Variants in DAPK2 observed in about 807,000 individuals in gnomAD.
DAPK2 encodes death-associated protein kinase 2.
A neutral mutation model predicts 44.1 loss-of-function variants in DAPK2; 35 were observed. That is an observed-to-expected ratio of 0.79 (90% CI 0.61 to 1.05). The LOEUF (loss-of-function observed/expected upper bound fraction) is 1.05, where lower values mean the gene tolerates loss of function less well. Among genes scored for constraint, DAPK2 ranks in the 50% least tolerant of loss-of-function variants. DAPK2 has a pLI of 0.00. For synonymous variants in DAPK2, 174 were observed against 182.6 expected, an observed-to-expected ratio of 0.95 and a Z score of 0.38; for missense variants, 453 against 483.2, an observed-to-expected ratio of 0.94 and a Z score of 0.59.
intron 2 of DAPK2, among the ~76,000 whole-genome samples, chr15:63,981,243 C>G (rs973358269): frequency 6.6e-6 from 1 of 152,132 alleles, no homozygotes; most frequent in Non-Finnish European, 1.5e-5. Context: ...TGCCCCCTCA[C>G]CGTGTGATGC....
chr15:63,929,165 C>T (rs1048636505), intron 6 of DAPK2, among the ~76,000 whole-genome samples: 1 of 149,612 alleles, frequency 6.7e-6, no homozygotes, highest in Non-Finnish European at 1.5e-5. Flanking sequence ...CGCCACTGCA[C>T]TCCAGACTGG....
intron 2 of DAPK2, 129 bp downstream of exon 3, chr15:63,983,404 G>A: frequency 1.3e-6 from 1 of 766,264 alleles, no homozygotes; most frequent in Admixed American, 2.4e-5. Flanking sequence ...GCCCACCACT[G>A]ACTTCACCTC....
intron 4 of DAPK2, chr15:63,935,757 G>A (rs964212947): frequency 1.3e-5 from 2 of 152,178 alleles, no homozygotes; most frequent in South Asian, 2.1e-4. Context: ...ATTCCAAAGA[G>A]ATCTATGATA....
intron 1 of DAPK2, among the ~76,000 whole-genome samples, chr15:64,010,056 G>A (rs2079347780): frequency 6.6e-6 from 1 of 152,222 alleles, no homozygotes; most frequent in African/African-American, 2.4e-5. Context: ...TGTAGCACCT[G>A]ATGGTATAAA....
At chr15:64,042,290 G>A (rs2080370182), upstream of DAPK2, among the ~76,000 whole-genome samples, 1 of 152,006 alleles carries the variant, frequency 6.6e-6, no homozygotes, top group Non-Finnish European at 1.5e-5. The surrounding 1 kb of genome is among the most constrained non-coding windows in gnomAD (Gnocchi z 4.7). Context: ...CAACATCCTG[G>A]CAAATCTCCC....
At chr15:64,002,916 CTGTGTGTGTGTGTGTGTGTG>C (rs3056849) in intron 1 of DAPK2, among the ~76,000 whole-genome samples, 13 of 86,108 alleles carry the variant, frequency 1.5e-4, no homozygotes, top group Admixed American at 6.2e-4. Context: ...GACTGAGACA[CTGTGTGTGTGTGTGTGTGTG>C]TGTGTGTGTG....
chr15:64,036,319 G>GTATATATATATATATATATA (rs57218056), intron 1 of DAPK2, among the ~76,000 whole-genome samples: 6 of 56,662 alleles, frequency 1.1e-4, no homozygotes, highest in Non-Finnish European at 2.0e-4. Flanking sequence ...GTATATATAT[G>GTATATATATATATATATATA]TATATATATA....
chr15:63,956,246 TG>T (rs1265574231), intron 3 of DAPK2, among the ~76,000 whole-genome samples: 1 of 152,200 alleles, frequency 6.6e-6, no homozygotes, highest in African/African-American at 2.4e-5. Context: ...CCAACTTTTT[TG>T]TTTCACTGAT....
chr15:63,922,540 C>T, intron 8 of DAPK2: 1 of 1,369,020 alleles, frequency 7.3e-7, no homozygotes, highest in Non-Finnish European at 9.4e-7. Context: ...TCCCAGAAAA[C>T]CAGATTGGTG....
intron 1 of DAPK2, among the ~76,000 whole-genome samples, chr15:64,025,661 T>C (rs1443951963): frequency 6.6e-6 from 1 of 152,214 alleles, no homozygotes; most frequent in East Asian, 1.9e-4. Flanking sequence ...ATTTGAGGTA[T>C]TGCAAGCCAA....
intron 3 of DAPK2, among the ~76,000 whole-genome samples, chr15:63,940,519 C>G (rs866465913): frequency 4.6e-5 from 7 of 151,766 alleles, no homozygotes; most frequent in Non-Finnish European, 8.8e-5. Context: ...GAGACCAGCC[C>G]GGCCAACATG....
chr15:64,020,862 G>T lies in DAPK2; in HGVS notation c.92+19308C>A, dbSNP rs552679240. 8.9e-4 allele frequency among the ~76,000 whole-genome samples: 136 copies of T among 152,344 alleles called. 1 individual carries two copies. The highest frequency in any genetic ancestry group is 3.1e-3 in the African/African-American group (128 of 41,582). On this transcript the variant is annotated intron_variant, in intron 1 of 10. Coordinates refer to ENST00000261891, the Ensembl canonical transcript of DAPK2. The surrounding 1 kb of genome is among the most constrained non-coding windows in gnomAD (Gnocchi z 4.5). ...TAATGGAAAGGGCAAAGGACCTGGA[G>T]TGCAAAGACCCACATTCAGGTCTCA... is the stretch of plus-strand genomic sequence containing the variant.
chr15:64,005,002 TTAAG>T (rs540872103), intron 1 of DAPK2, among the ~76,000 whole-genome samples: 3 of 152,116 alleles, frequency 2.0e-5, no homozygotes, highest in Non-Finnish European at 4.4e-5. Flanking sequence ...CTCCTAGCAC[TTAAG>T]TAAGGATGAA....
intron 1 of DAPK2, among the ~76,000 whole-genome samples, chr15:64,036,309 G>GTGTGTGTATA (rs1255068392): frequency 8.3e-5 from 5 of 60,518 alleles, no homozygotes; most frequent in Admixed American, 2.6e-4. Context: ...GTGTGTGTGT[G>GTGTGTGTATA]TATATATATG....
intron 4 of DAPK2, among the ~76,000 whole-genome samples, chr15:63,933,761 G>C (rs1009824205): frequency 6.6e-6 from 1 of 151,512 alleles, no homozygotes; most frequent in East Asian, 2.0e-4. Flanking sequence ...ACTATACCAG[G>C]TAATTTTTAA....
At position 63,908,654 on chromosome 15, in the gene DAPK2, G is replaced by T; in HGVS notation, c.1033-54C>A. The T allele has an allele frequency of 6.7e-7, 1 of 1,481,540 alleles. No homozygotes were observed. The highest frequency in any genetic ancestry group is 1.3e-5 in the South Asian group (1 of 78,386). 91.8% of individuals were successfully genotyped at this position (1,481,540 alleles called of 1,614,324 possible). A position where few individuals can be genotyped will look rare whatever the true frequency, so the allele number is the denominator to read the frequency against. On this transcript the variant is annotated intron_variant, in intron 10 of 10. Transcript: ENST00000261891. This position sits in a 1 kb window ranked among gnomAD's most constrained non-coding sequence, Gnocchi z 5.7. ...GGGCAGGAGGATCATGAGACGCCAG[G>T]AATGGGGCTGTGCTGGGCAACCTGG...
intron 2 of DAPK2, among the ~76,000 whole-genome samples, chr15:63,979,652 C>A (rs2078447987): frequency 6.6e-6 from 1 of 152,146 alleles, no homozygotes; most frequent in South Asian, 2.1e-4. Context: ...GTGGCTCATG[C>A]CTGTAATCCT....
chr15:63,929,480 G>A, intron 6 of DAPK2, 71 bp downstream of exon 7: 2 of 1,585,148 alleles, frequency 1.3e-6, no homozygotes, highest in Non-Finnish European at 1.7e-6. Flanking sequence ...CTATCAGCCT[G>A]CCCCTCTCTC....
At chr15:63,930,432 G>A (rs960715632) in exon 5 of DAPK2, 9 of 1,614,082 alleles carry the variant, frequency 5.6e-6, no homozygotes, top group South Asian at 2.2e-5. Context: ...AGACCCAGGG[G>A]CTCGTAGTTC....
Sources: gnomAD v4.1 joint callset for allele counts (sites outside exome capture counted in the v4.1 genomes callset) on GRCh38, gnomAD v4.1.1 for gene constraint, Gnocchi (gnomAD v3.1) non-coding constraint, MANE v1.5 for transcripts, NCBI Gene and HGNC (gene_info 2026-07-23, HGNC 2026-07-21) for gene names.